Variants in HEPH observed in about 807,000 individuals in gnomAD.
HEPH encodes hephaestin.
In HEPH, 69 loss-of-function variants were observed where a neutral mutation model predicts 80.8. That is an observed-to-expected ratio of 0.85 (90% confidence interval 0.70 to 1.04). HEPH has a LOEUF of 1.04. Among genes scored for constraint, HEPH ranks in the 50% least tolerant of loss-of-function variants. The pLI, the probability that HEPH is intolerant of heterozygous loss-of-function variation, is 0.00. For synonymous variants in HEPH, 431 were observed against 322.8 expected (o/e 1.34, Z -3.60); for missense variants, 1,115 against 891.3 (o/e 1.25, Z -3.20).
At chrX:66,178,065 G>A (rs1257964802) in intron 4 of HEPH, among the ~76,000 whole-genome samples, 1 of 111,406 alleles carries the variant, frequency 9.0e-6, no homozygotes, top group Non-Finnish European at 1.9e-5. Context: ...ATTTACATTA[G>A]GTATATCTCC....
intron 3 of HEPH, 151 bp from the exon 4 acceptor site, chrX:66,173,438 T>C (rs2086674069): frequency 4.6e-6 from 2 of 430,744 alleles, no homozygotes; most frequent in Non-Finnish European, 8.0e-6. Flanking sequence ...TGTGCTCTCC[T>C]TAGGTTGTGA....
chrX:66,247,555 A>G (rs1047471808), intron 15 of HEPH, among the ~76,000 whole-genome samples: 6 of 109,899 alleles, frequency 5.5e-5, no homozygotes, highest in African/African-American at 2.0e-4. Context: ...TTTTGTTCAG[A>G]TATGGTTTTA....
intron 4 of HEPH, among the ~76,000 whole-genome samples, chrX:66,187,891 A>AT (rs756378467): frequency 6.3e-5 from 7 of 111,467 alleles, no homozygotes; most frequent in Admixed American, 3.8e-4. Context: ...TCTCCTTTTT[A>AT]TTTTTTTTCT....
At chrX:66,222,314 C>A (rs1401824336) in intron 15 of HEPH, among the ~76,000 whole-genome samples, 1 of 112,370 alleles carries the variant, frequency 8.9e-6, no homozygotes, top group Non-Finnish European at 1.9e-5. Context: ...GCTGTAGAAT[C>A]CTGGAAAAGG....
At chrX:66,192,322 CTT>C in intron 7 of HEPH, 24 bp downstream of exon 7, 1 of 1,125,275 alleles carries the variant, frequency 8.9e-7, no homozygotes, top group African/African-American at 1.8e-5. Flanking sequence ...GGATCCCTCT[CTT>C]TAATTCTTTA....
chrX:66,261,242 A>G (rs568073354), intron 19 of HEPH, among the ~76,000 whole-genome samples: 2 of 112,202 alleles, frequency 1.8e-5, no homozygotes, highest in African/African-American at 6.5e-5. Flanking sequence ...CTAAGGCTAG[A>G]AAGAGAGATT....
rs183402803 is a variant in HEPH, at chrX:66,187,148, G to T, written c.626-1211G>T. Among the ~76,000 whole-genome samples the T allele has an allele frequency of 4.8e-3, 534 of 110,285 alleles. 2 individuals carry two copies. Among genetic ancestry groups the T allele is most frequent in the South Asian group, 8.8e-3 (23 of 2,626 alleles). On this transcript the variant is annotated intron_variant, in intron 4 of 20. Transcript: ENST00000343002. ...TATCCCTTCACTTCTTATTTTTTTTGTTGTTGTTGTTGTTTTTATTATTTC... is the reference window on the plus strand; with the variant it reads ...TATCCCTTCACTTCTTATTTTTTTTTTTGTTGTTGTTGTTTTTATTATTTC...
intron 4 of HEPH, among the ~76,000 whole-genome samples, chrX:66,179,212 C>T (rs985292225): frequency 1.3e-4 from 15 of 111,971 alleles, no homozygotes; most frequent in Non-Finnish European, 2.6e-4. Context: ...AATCCTTTCG[C>T]CATTTCTTGT....
chrX:66,220,037 C>A (rs980501340), intron 15 of HEPH, among the ~76,000 whole-genome samples: 1 of 111,321 alleles, frequency 9.0e-6, no homozygotes, highest in African/African-American at 3.3e-5. Flanking sequence ...AAGTCCTTTC[C>A]GACTCTTGCT....
At chrX:66,241,847 C>G (rs2090599506) in intron 15 of HEPH, among the ~76,000 whole-genome samples, 1 of 110,360 alleles carries the variant, frequency 9.1e-6, no homozygotes, top group Admixed American at 9.7e-5. Flanking sequence ...TACAAAACAC[C>G]ACTCAAAGAA....
rs747621719 is a variant in HEPH, at chrX:66,263,172, G to A, written c.3200-472G>A. ...AGATATGTTTTTACAAAAAGAGGAG[G>A]AACAATGATCTCAAAGAAGTATTGA... On this transcript the variant is annotated intron_variant, in intron 19 of 20. Transcript: ENST00000343002. 8.0e-4 allele frequency among the ~76,000 whole-genome samples: 90 copies of A among 111,846 alleles called. 2 individuals carry two copies. Among genetic ancestry groups the A allele is most frequent in the African/African-American group, 2.9e-3 (90 of 30,867 alleles).
intron 15 of HEPH, among the ~76,000 whole-genome samples, chrX:66,242,992 C>T (rs989675578): frequency 9.0e-6 from 1 of 111,677 alleles, no homozygotes; most frequent in African/African-American, 3.3e-5. Context: ...TACTGTTTGA[C>T]CCAGCAGTCT....
rs1187405261 is a variant in HEPH at position 66,256,095 on chromosome X, C to T, written c.2671-10C>T. The T allele has an allele frequency of 2.5e-6, 3 of 1,182,648 alleles. No homozygotes were observed. The African/African-American group carries it at 5.3e-5, about 21-fold the overall frequency. ...CTCTTTCTCTCTCTCCCACTTCCTC[C>T]CTTCCTCAGGACATGTATAGTGGCC... is the stretch of plus-strand genomic sequence containing the variant. On this transcript the variant is annotated splice_polypyrimidine_tract_variant and intron_variant, in intron 16 of 20. Coordinates refer to ENST00000343002, the MANE Select transcript of HEPH (RefSeq NM_001367233.3).
intron 11 of HEPH, among the ~76,000 whole-genome samples, chrX:66,199,473 A>G (rs982205174): frequency 7.3e-5 from 8 of 109,992 alleles, no homozygotes; most frequent in Non-Finnish European, 1.5e-4. Flanking sequence ...CTTGATTCCC[A>G]TTACTAGTTA....
chrX:66,254,430 C>T (rs934128710), intron 15 of HEPH, among the ~76,000 whole-genome samples: 1 of 111,199 alleles, frequency 9.0e-6, no homozygotes, highest in African/African-American at 3.3e-5. Context: ...GATTGGGAAA[C>T]GGTGGTTTTT....
chrX:66,201,457 T>C (rs1423622035), intron 12 of HEPH, among the ~76,000 whole-genome samples: 1 of 111,626 alleles, frequency 9.0e-6, no homozygotes, highest in Non-Finnish European at 1.9e-5. Flanking sequence ...ATATCCTTTT[T>C]CTTCCTTTTA....
chrX:66,180,347 A>G (rs2087049834), intron 4 of HEPH, among the ~76,000 whole-genome samples: 1 of 110,925 alleles, frequency 9.0e-6, no homozygotes, highest in African/African-American at 3.3e-5. Context: ...AAATGACTGC[A>G]TCTTTCCTTC....
chrX:66,194,139 A>T (rs760866), intron 8 of HEPH, among the ~76,000 whole-genome samples: 40,064 of 110,576 alleles, frequency 0.36, 7,925 homozygotes, highest in African/African-American at 0.77. Context: ...CAAGGTTAGA[A>T]GTGGTTTAGT....
At chrX:66,245,204 G>A (rs2148116491) in intron 15 of HEPH, among the ~76,000 whole-genome samples, 1 of 111,081 alleles carries the variant, frequency 9.0e-6, no homozygotes, top group African/African-American at 3.3e-5. Flanking sequence ...AAAGAGTCAA[G>A]ACCCATCAGT....
Sources: allele counts gnomAD v4.1 joint callset (sites outside exome capture counted in the v4.1 genomes callset), GRCh38; gene constraint gnomAD v4.1.1; transcripts MANE v1.5; gene names NCBI Gene and HGNC (gene_info 2026-07-23, HGNC 2026-07-21).